Variants in ZEB2 observed in about 807,000 individuals in gnomAD.
ZEB2 encodes zinc finger E-box binding homeobox 2, also known as zinc finger E-box-binding homeobox 2.
A neutral mutation model predicts 99.9 loss-of-function variants in ZEB2; 6 were observed. The ratio of observed to expected loss-of-function variants is 0.06; its 90% CI spans 0.03 to 0.12. The LOEUF (loss-of-function observed/expected upper bound fraction) is 0.12. Among genes scored for constraint, ZEB2 ranks in the 10% least tolerant of loss-of-function variants. The pLI, the probability that ZEB2 is intolerant of heterozygous loss-of-function variation, is 1.00. For synonymous variants in ZEB2, 517 were observed against 542.5 expected (o/e 0.95, Z 0.65); for missense variants, 969 against 1,502.8 (o/e 0.64, Z 5.87).
intron 2 of ZEB2, among the ~76,000 whole-genome samples, chr2:144,474,949 A>G (rs1161964966): frequency 6.6e-6 from 1 of 152,230 alleles, no homozygotes; most frequent in Non-Finnish European, 1.5e-5. Context: ...CTCAACAAGC[A>G]TGGGAAATTT....
chr2:144,516,363 C>T (rs1259418856), intron 2 of ZEB2: 2 of 151,426 alleles, frequency 1.3e-5, no homozygotes, highest in Non-Finnish European at 2.9e-5. Flanking sequence ...CACTCTCTTC[C>T]TCTCTCTCTG....
chr2:144,418,620 G>A (rs183704215), intron 4 of ZEB2, among the ~76,000 whole-genome samples: 5 of 152,084 alleles, frequency 3.3e-5, no homozygotes, highest in African/African-American at 9.6e-5. Context: ...CCCAGGAGGC[G>A]GAGGTTGCAG....
chr2:144,420,619 AC>A (rs1703606725), intron 4 of ZEB2, among the ~76,000 whole-genome samples: 1 of 152,104 alleles, frequency 6.6e-6, no homozygotes, highest in Admixed American at 6.6e-5. Flanking sequence ...GGATTTCAGA[AC>A]CCCACAAGGG....
chr2:144,393,920 A>G (rs577312715), intron 9 of ZEB2, among the ~76,000 whole-genome samples: 7 of 151,494 alleles, frequency 4.6e-5, no homozygotes, highest in East Asian at 1.9e-4. Flanking sequence ...TTGTTTGTTT[A>G]TTTATTTATT....
chr2:144,408,814 A>G (rs995428610), intron 4 of ZEB2, among the ~76,000 whole-genome samples: 2 of 152,178 alleles, frequency 1.3e-5, no homozygotes, highest in Admixed American at 6.5e-5. Context: ...AGGTGAGCCA[A>G]TCTCAGTCCT....
At chr2:144,450,148 T>G (rs1251043905) in intron 2 of ZEB2, 1 of 150,068 alleles carries the variant, frequency 6.7e-6, no homozygotes, top group Non-Finnish European at 1.5e-5. Context: ...TAAATTGTAT[T>G]AATTCCAGGT....
At chr2:144,488,210 A>T (rs1704626669) in intron 2 of ZEB2, among the ~76,000 whole-genome samples, 1 of 152,210 alleles carries the variant, frequency 6.6e-6, no homozygotes, top group Non-Finnish European at 1.5e-5. Context: ...TATTTTGCAC[A>T]ATTTTAATTT....
At chr2:144,430,656 C>G (rs1424375446) in intron 2 of ZEB2, 1 of 169,584 alleles carries the variant, frequency 5.9e-6, no homozygotes, top group Non-Finnish European at 1.4e-5. Flanking sequence ...GCCATTAATA[C>G]TACTATTGAG....
At chr2:144,509,302 C>T (rs372078680) in intron 2 of ZEB2, among the ~76,000 whole-genome samples, 2 of 152,168 alleles carry the variant, frequency 1.3e-5, no homozygotes, top group South Asian at 2.1e-4. Flanking sequence ...CCACTTTCCC[C>T]GCAAGTGTCC....
chr2:144,401,403 C>T (rs1217866772), intron 6 of ZEB2, 96 bp from the exon 7 acceptor site: 2 of 1,218,566 alleles, frequency 1.6e-6, no homozygotes, highest in Admixed American at 3.4e-5. Context: ...TTCAGACAGG[C>T]CAAAAGGTTT....
chr2:144,446,904 T>C (rs1334440003), intron 2 of ZEB2, among the ~76,000 whole-genome samples: 1 of 151,056 alleles, frequency 6.6e-6, no homozygotes, highest in Admixed American at 6.6e-5. Context: ...TAGTCCCAAC[T>C]ACTGGGGAGG....
Position 144,429,814 on chromosome 2 carries a change from G to T in ZEB2, c.286C>A (p.Pro96Thr), listed in dbSNP as rs1703744378. The change falls in exon 3 of 10, where the codon CCC (proline) becomes ACC (threonine). Residue 96 changes from proline (P) to threonine (T), a missense_variant. This residue lies in a region of ZEB2 where 173 missense variants were observed against 217.7 expected (regional missense o/e 0.79). Transcript: ENST00000627532. ...DEIREGGVEH[P>T]WHNNEILQAS... ...TGTAGAATCTCGTTGTTGTGCCAGG[G>T]GTGTTCCACTCCACCCTCCCTTATT... The T allele has an allele frequency of 1.9e-6, 3 of 1,613,630 alleles. No individual in the cohort carries two copies. The highest frequency in any genetic ancestry group is 1.7e-5 in the Admixed American group (1 of 59,932).
chr2:144,466,202 A>C (rs781483391), intron 2 of ZEB2, among the ~76,000 whole-genome samples: 6 of 152,210 alleles, frequency 3.9e-5, no homozygotes, highest in Non-Finnish European at 8.8e-5. Flanking sequence ...AGGGGGGAAA[A>C]GTCTGTTAAC....
intron 4 of ZEB2, among the ~76,000 whole-genome samples, chr2:144,406,786 A>T (rs555796851): frequency 1.3e-4 from 20 of 152,322 alleles, no homozygotes; most frequent in Middle Eastern, 3.4e-3. Context: ...TTTTTAGATG[A>T]CATCCTTGGC....
At chr2:144,505,668 C>T (rs546296280) in intron 2 of ZEB2, among the ~76,000 whole-genome samples, 28 of 152,252 alleles carry the variant, frequency 1.8e-4, no homozygotes, top group African/African-American at 6.5e-4. Flanking sequence ...GCCAGCCTGT[C>T]TCTGCATTTA....
chr2:144,504,425 C>G (rs148712878), intron 2 of ZEB2: 5 of 153,014 alleles, frequency 3.3e-5, no homozygotes, highest in East Asian at 1.9e-4. Flanking sequence ...AACCTCCCCC[C>G]ACCCCTCTGT....
intron 1 of ZEB2, chr2:144,518,308 G>T (rs938438214): frequency 6.6e-6 from 1 of 152,268 alleles, no homozygotes; most frequent in Non-Finnish European, 1.5e-5. Flanking sequence ...AATCGAGAGA[G>T]GCGCTGCATT....
rs1019845499 is a variant in ZEB2 at position 144,442,826 on chromosome 2, A to G, written c.74-12800T>C. ...GATATCAGTTTAAGTTTTTTTAAAAAATCTGCACTCGCCTTTTTTCTGCAC... is the reference window on the plus strand; with the variant it reads ...GATATCAGTTTAAGTTTTTTTAAAAGATCTGCACTCGCCTTTTTTCTGCAC... On this transcript the variant is annotated intron_variant, in intron 2 of 9. Coordinates refer to ENST00000627532, the MANE Select transcript of ZEB2 (RefSeq NM_014795.4). Among the ~76,000 whole-genome samples the G allele has an allele frequency of 2.0e-5, 3 of 152,180 alleles. No individual in the cohort carries two copies. The East Asian group carries it at 5.8e-4, about 29-fold the overall frequency.
At position 144,388,971 on chromosome 2, in the gene ZEB2, G is replaced by T. The variant is rs896452444; in HGVS notation, c.*480C>A. On this transcript the variant is annotated 3_prime_UTR_variant, in exon 10 of 10. Transcript: ENST00000627532. This position sits in a 1 kb window ranked among gnomAD's most constrained non-coding sequence, Gnocchi z 5.4. ...ATGGGAAATTGATGAATAGCGAAAG[G>T]AAAGTACAGAGGAATCATAATACTG... is the stretch of plus-strand genomic sequence containing the variant. 1 of 450,254 alleles carries T rather than the reference G, an allele frequency of 2.2e-6. No individual in the cohort carries two copies. The highest frequency in any genetic ancestry group is 2.1e-5 in the African/African-American group (1 of 48,632). The allele number at this position is 450,254 out of a possible 1,614,324, so 27.9% of individuals were successfully genotyped here.
Sources: gnomAD v4.1 joint callset for allele counts (sites outside exome capture counted in the v4.1 genomes callset) on GRCh38, gnomAD v4.1.1 for gene constraint, gnomAD v4.1.1 regional missense constraint, Gnocchi (gnomAD v3.1) non-coding constraint, MANE v1.5 for transcripts, NCBI Gene and HGNC (gene_info 2026-07-23, HGNC 2026-07-21) for gene names.